DPP6: variants seen among roughly 807,000 people sequenced by gnomAD.
DPP6 encodes A-type potassium channel modulatory protein DPP6.
DPP6 carries 69 observed loss-of-function variants against 122.6 expected under a neutral mutation model. The observed-to-expected ratio is 0.56, with a 90% CI of 0.46 to 0.69. The LOEUF is 0.69. Among genes scored for constraint, DPP6 ranks in the 30% least tolerant of loss-of-function variants. The pLI, the probability that DPP6 is intolerant of heterozygous loss-of-function variation, is 0.00. For missense variants in DPP6, 928 were observed against 1,116.9 expected (o/e 0.83, Z 2.41); for synonymous variants, 418 against 433.1 (o/e 0.97, Z 0.43).
chr7:154,448,729 C>A (rs1478776621), intron 2 of DPP6, among the ~76,000 whole-genome samples: 5 of 152,152 alleles, frequency 3.3e-5, no homozygotes, highest in Admixed American at 3.3e-4. Flanking sequence ...ACATATGGAT[C>A]AATGGAATAG....
At chr7:154,869,573 T>G (rs1804204390) in intron 18 of DPP6, among the ~76,000 whole-genome samples, 2 of 151,880 alleles carry the variant, frequency 1.3e-5, no homozygotes, top group African/African-American at 4.8e-5. Flanking sequence ...CAAGGGCAAG[T>G]GCAGTGCAGT....
intron 7 of DPP6, among the ~76,000 whole-genome samples, chr7:154,712,071 T>C (rs1237652077): frequency 6.6e-6 from 1 of 152,186 alleles, no homozygotes; most frequent in African/African-American, 2.4e-5. Flanking sequence ...TTTATTTGAC[T>C]TTTGGAAAAG....
At chr7:154,794,917 T>C (rs375374766) in intron 11 of DPP6, among the ~76,000 whole-genome samples, 1 of 93,680 alleles carries the variant, frequency 1.1e-5, no homozygotes, top group African/African-American at 3.7e-5. Context: ...GATCTTAAGT[T>C]TCTGTCTCCT....
At chr7:154,278,151 G>A (rs1804260701) in intron 1 of DPP6, among the ~76,000 whole-genome samples, 1 of 152,186 alleles carries the variant, frequency 6.6e-6, no homozygotes, top group South Asian at 2.1e-4. Flanking sequence ...GGGAGAGACA[G>A]GGAGCGTTTT....
At chr7:154,656,204 A>G (rs1304007359) in intron 6 of DPP6, among the ~76,000 whole-genome samples, 1 of 125,180 alleles carries the variant, frequency 8.0e-6, no homozygotes, top group African/African-American at 3.1e-5. Flanking sequence ...GGCAGTCGAG[A>G]GGGAGGTGGG....
intron 7 of DPP6, among the ~76,000 whole-genome samples, chr7:154,727,147 A>G (rs141000151): frequency 0.014 from 2,202 of 152,256 alleles, 54 homozygotes; most frequent in East Asian, 0.078. Context: ...GAACTACCTG[A>G]GACTTGGTAA....
rs1399606935 is a variant in DPP6, at chr7:154,863,976, G to A, written c.1715-4019G>A. 6.6e-6 allele frequency among the ~76,000 whole-genome samples: 1 copy of A among 152,090 alleles called. No individual in the cohort carries two copies. Among genetic ancestry groups the A allele is most frequent in the African/African-American group, 2.4e-5 (1 of 41,390 alleles). On this transcript the variant is annotated intron_variant, in intron 17 of 25. Coordinates refer to ENST00000377770, the MANE Select transcript of DPP6 (RefSeq NM_130797.4). This position sits in a 1 kb window ranked among gnomAD's most constrained non-coding sequence, Gnocchi z 4.1. ...CAAGAGCACAGGGAGGGGGCGAGGT[G>A]GGGCAGAGAGGGGTCCTACTGATGG...
chr7:154,268,517 T>G (rs1803580050), intron 1 of DPP6, among the ~76,000 whole-genome samples: 1 of 152,226 alleles, frequency 6.6e-6, no homozygotes, highest in Non-Finnish European at 1.5e-5. Flanking sequence ...ATTCATGACC[T>G]AACCCCTTCC....
intron 1 of DPP6, among the ~76,000 whole-genome samples, chr7:154,023,204 C>G (rs1798788912): frequency 6.6e-6 from 1 of 151,764 alleles, no homozygotes; most frequent in African/African-American, 2.4e-5. Context: ...TTACCCTTGG[C>G]ATCTTTTGTA....
At chr7:154,305,404 C>T in intron 1 of DPP6, 2 of 1,047,852 alleles carry the variant, frequency 1.9e-6, no homozygotes, top group Middle Eastern at 2.7e-4. Flanking sequence ...TAAAATCACA[C>T]TCCTCCTTAC....
chr7:154,110,179 C>T (rs1053607711), intron 1 of DPP6, among the ~76,000 whole-genome samples: 1 of 152,124 alleles, frequency 6.6e-6, no homozygotes, highest in Non-Finnish European at 1.5e-5. Context: ...AGAAAATGGA[C>T]CACATTTGCA....
Position 154,241,551 on chromosome 7 carries a change from C to A in DPP6, c.243+188488C>A, listed in dbSNP as rs1801618387. Among the ~76,000 whole-genome samples, 1 of 151,972 alleles carries A rather than the reference C, an allele frequency of 6.6e-6. No individual in the cohort carries two copies. Among genetic ancestry groups the A allele is most frequent in the Non-Finnish European group, 1.5e-5 (1 of 68,002 alleles). ...CTGCAGCCTGAGTAACAAAGTGAGA[C>A]CCTGTCTCAAAACAAAACAAAAAAA... is the stretch of plus-strand genomic sequence containing the variant. On this transcript the variant is annotated intron_variant, in intron 1 of 25. Transcript: ENST00000377770. This position sits in a 1 kb window ranked among gnomAD's most constrained non-coding sequence, Gnocchi z 9.0.
At chr7:154,129,129 A>C (rs1015032539) in intron 1 of DPP6, among the ~76,000 whole-genome samples, 1 of 152,074 alleles carries the variant, frequency 6.6e-6, no homozygotes, top group South Asian at 2.1e-4. Flanking sequence ...AAGTTCTCCA[A>C]CTTTATGGTA....
intron 1 of DPP6, among the ~76,000 whole-genome samples, chr7:154,071,944 CA>C (rs1223578929): frequency 2.0e-5 from 3 of 152,138 alleles, no homozygotes; most frequent in Non-Finnish European, 4.4e-5. Context: ...TTTAAGCAAA[CA>C]AATACAATCC....
chr7:154,653,353 A>G (rs1288361060), intron 6 of DPP6, among the ~76,000 whole-genome samples: 1 of 152,156 alleles, frequency 6.6e-6, no homozygotes, highest in African/African-American at 2.4e-5. Flanking sequence ...GTCTCTAAAC[A>G]TAGATAGATA....
chr7:154,779,733 T>C (rs914611102), intron 10 of DPP6, among the ~76,000 whole-genome samples: 1 of 152,186 alleles, frequency 6.6e-6, no homozygotes, highest in East Asian at 1.9e-4. Flanking sequence ...TCAGACATCT[T>C]CAGGTGATTC....
Position 154,807,035 on chromosome 7 carries a change from G to A in DPP6, c.1589G>A (p.Cys530Tyr), listed in dbSNP as rs1277669803. The A allele has an allele frequency of 6.2e-7, 1 of 1,613,814 alleles. No individual in the cohort carries two copies. The highest frequency in any genetic ancestry group is 8.5e-7 in the Non-Finnish European group (1 of 1,179,884). The change falls in exon 16 of 26, where the codon TGT becomes TAT. Residue 530 changes from cysteine (C) to tyrosine (Y), a missense_variant. Cys to Tyr is a radical substitution (Grantham distance 194). Coordinates refer to ENST00000377770, the MANE Select transcript of DPP6 (RefSeq NM_130797.4). Reference sequence around the variant, plus strand: ...AACTTCAACAGGCAGTGCCTCTCCTGTGACCTGGTTGAGAACTGCACCTAC... The same window carrying A: ...AACTTCAACAGGCAGTGCCTCTCCTATGACCTGGTTGAGAACTGCACCTAC... ...VGNFNRQCLSCDLVENCTYFS... is the reference protein window; with the variant it reads ...VGNFNRQCLSYDLVENCTYFS...
At chr7:154,293,420 A>G (rs1563426400) in intron 1 of DPP6, among the ~76,000 whole-genome samples, 3 of 152,112 alleles carry the variant, frequency 2.0e-5, no homozygotes, top group African/African-American at 7.2e-5. Context: ...ATTCACATAA[A>G]GGAGATAAAA....
chr7:154,242,934 C>T (rs1325719172), intron 1 of DPP6, among the ~76,000 whole-genome samples: 1 of 152,200 alleles, frequency 6.6e-6, no homozygotes, highest in Non-Finnish European at 1.5e-5. Flanking sequence ...AGCTCCAGCT[C>T]AGCCAGAATG....
Sources: allele counts gnomAD v4.1 joint callset (sites outside exome capture counted in the v4.1 genomes callset), GRCh38; gene constraint gnomAD v4.1.1; non-coding constraint Gnocchi (gnomAD v3.1); transcripts MANE v1.5; gene names NCBI Gene and HGNC (gene_info 2026-07-23, HGNC 2026-07-21).